The following DGKI variants were observed in gnomAD, a reference collection of about 807,000 sequenced individuals.
DGKI encodes DAG kinase iota.
In DGKI, 55 loss-of-function variants were observed where a neutral mutation model predicts 147.5. The ratio of observed to expected loss-of-function variants is 0.37; its 90% CI spans 0.30 to 0.47. The LOEUF is 0.47. DGKI is among the 20% of genes least tolerant of loss of function. DGKI has a pLI of 1.00. For synonymous variants in DGKI, 469 were observed against 477.1 expected, an observed-to-expected ratio of 0.98 and a Z score of 0.22; for missense variants, 1,007 against 1,323.8, an observed-to-expected ratio of 0.76 and a Z score of 3.71.
At chr7:137,667,515 T>C (rs1207042151) in intron 3 of DGKI, among the ~76,000 whole-genome samples, 1 of 152,178 alleles carries the variant, frequency 6.6e-6, no homozygotes, top group East Asian at 1.9e-4. Context: ...GACAGTACCA[T>C]AAACACCATC....
intron 21 of DGKI, among the ~76,000 whole-genome samples, chr7:137,514,391 A>T (rs1816681674): frequency 1.3e-5 from 2 of 152,068 alleles, no homozygotes; most frequent in South Asian, 4.2e-4. Context: ...TTTTCACTCC[A>T]CAATCTCGTG....
intron 3 of DGKI, 102 bp downstream of exon 3, chr7:137,678,455 G>T: frequency 9.1e-7 from 1 of 1,101,426 alleles, no homozygotes; most frequent in South Asian, 1.3e-5. Context: ...ATCTCACAAG[G>T]ACAGGCTCGT....
chr7:137,799,610 T>G (rs1200722090), intron 1 of DGKI, among the ~76,000 whole-genome samples: 1 of 152,220 alleles, frequency 6.6e-6, no homozygotes, highest in Non-Finnish European at 1.5e-5. Context: ...GTGATTATTT[T>G]GATATTATGG....
chr7:137,677,006 A>AT (rs1385401625), intron 3 of DGKI, among the ~76,000 whole-genome samples: 1 of 152,172 alleles, frequency 6.6e-6, no homozygotes, highest in Non-Finnish European at 1.5e-5. Context: ...CATTTTTTCC[A>AT]TTTTTTATTA....
chr7:137,767,713 T>C (rs1024084833), intron 1 of DGKI, among the ~76,000 whole-genome samples: 2 of 152,186 alleles, frequency 1.3e-5, no homozygotes, highest in Non-Finnish European at 2.9e-5. Flanking sequence ...TTTACTTTGG[T>C]TTGAAGTCTG....
chr7:137,805,492 G>C (rs1315473514), intron 1 of DGKI, among the ~76,000 whole-genome samples: 1 of 152,216 alleles, frequency 6.6e-6, no homozygotes, highest in Non-Finnish European at 1.5e-5. Flanking sequence ...CCAAAGATCA[G>C]CAGCCGTGGT....
chr7:137,625,732 T>TAA (rs1820913545), intron 6 of DGKI, among the ~76,000 whole-genome samples: 1 of 143,800 alleles, frequency 7.0e-6, no homozygotes, highest in Non-Finnish European at 1.5e-5. Context: ...ACCTTATCTC[T>TAA]ATATTAAAAT....
chr7:137,526,843 G>T (rs764523890), intron 20 of DGKI, among the ~76,000 whole-genome samples: 3 of 151,950 alleles, frequency 2.0e-5, no homozygotes, highest in Non-Finnish European at 2.9e-5. Flanking sequence ...AATTTCTTTA[G>T]TATACACTAT....
chr7:137,774,441 C>T (rs1231112212), intron 1 of DGKI, among the ~76,000 whole-genome samples: 2 of 152,094 alleles, frequency 1.3e-5, no homozygotes, highest in Non-Finnish European at 2.9e-5. Flanking sequence ...TTTTTCCCTA[C>T]TGTAAAAAAA....
chr7:137,535,769 T>C (rs1817496954), intron 20 of DGKI, among the ~76,000 whole-genome samples: 1 of 152,118 alleles, frequency 6.6e-6, no homozygotes, highest in East Asian at 1.9e-4. Flanking sequence ...CCTAAGTGTA[T>C]TGCGCCTTTA....
At chr7:137,471,107 G>A (rs777284158) in intron 23 of DGKI, among the ~76,000 whole-genome samples, 1 of 152,140 alleles carries the variant, frequency 6.6e-6, no homozygotes, top group Non-Finnish European at 1.5e-5. Context: ...ACTGGGGAGG[G>A]AGGAGAGCAC....
intron 1 of DGKI, among the ~76,000 whole-genome samples, chr7:137,726,189 C>T (rs1794712227): frequency 6.6e-6 from 1 of 152,096 alleles, no homozygotes; most frequent in African/African-American, 2.4e-5. Context: ...AGGGATCTTC[C>T]TTTCAGACTT....
At chr7:137,474,158 T>C (rs1815085530) in intron 23 of DGKI, among the ~76,000 whole-genome samples, 1 of 152,212 alleles carries the variant, frequency 6.6e-6, no homozygotes, top group South Asian at 2.1e-4. Flanking sequence ...GTAATTACTA[T>C]CTGGGCAGAT....
chr7:137,729,204 C>A (rs918047722), intron 1 of DGKI, among the ~76,000 whole-genome samples: 2 of 152,062 alleles, frequency 1.3e-5, no homozygotes, highest in Non-Finnish European at 2.9e-5. Context: ...AAAGACATTT[C>A]AACCCAAATA....
intron 1 of DGKI, chr7:137,722,696 A>C: frequency 6.3e-7 from 1 of 1,578,080 alleles, no homozygotes; most frequent in Non-Finnish European, 8.7e-7. Flanking sequence ...GACACAGAAA[A>C]AGAGAAATAT....
chr7:137,731,024 T>C (rs994548349), intron 1 of DGKI, among the ~76,000 whole-genome samples: 11 of 152,072 alleles, frequency 7.2e-5, no homozygotes, highest in African/African-American at 2.4e-4. Context: ...TAAAGAATCC[T>C]ACTATTCCGC....
chr7:137,609,484 A>C lies in DGKI; in HGVS notation c.1068+51T>G, dbSNP rs541185114. Reference sequence around the variant, plus strand: ...GACCAGATCTCATAGGACAGAGTAGACTATGGAAAGAAAGTGGAAATTCCT... The same window carrying C: ...GACCAGATCTCATAGGACAGAGTAGCCTATGGAAAGAAAGTGGAAATTCCT... On this transcript the variant is annotated intron_variant, in intron 9 of 32. Transcript: ENST00000614521. 5.7e-6 allele frequency: 8 copies of C among 1,406,834 alleles called. No individual in the cohort carries two copies. The South Asian group carries it at 8.2e-5, about 14-fold the overall frequency. 87.1% of individuals were successfully genotyped at this position (1,406,834 alleles called of 1,614,324 possible).
At chr7:137,572,534 A>C (rs1362380903) in intron 18 of DGKI, among the ~76,000 whole-genome samples, 1 of 152,216 alleles carries the variant, frequency 6.6e-6, no homozygotes, top group African/African-American at 2.4e-5. Context: ...TGGGTTTCTT[A>C]AAGATGGGTA....
chr7:137,790,649 C>T (rs1020072851), intron 1 of DGKI, among the ~76,000 whole-genome samples: 40 of 152,260 alleles, frequency 2.6e-4, no homozygotes, highest in African/African-American at 8.7e-4. Context: ...TAGAAAGAGA[C>T]GTGGATGCGG....
Sources: gnomAD v4.1 joint callset for allele counts (sites outside exome capture counted in the v4.1 genomes callset) on GRCh38, gnomAD v4.1.1 for gene constraint, MANE v1.5 for transcripts, NCBI Gene and HGNC (gene_info 2026-07-23, HGNC 2026-07-21) for gene names.